Variants in SEMA3D observed in about 807,000 individuals in gnomAD.
The protein encoded by SEMA3D is semaphorin-3D.
SEMA3D carries 84 observed loss-of-function variants against 100.1 expected under a neutral mutation model. The observed-to-expected ratio is 0.84, with a 90% confidence interval of 0.70 to 1.01. SEMA3D has a LOEUF of 1.01. Among genes scored for constraint, SEMA3D ranks in the 50% least tolerant of loss-of-function variants. The probability of loss-of-function intolerance (pLI) is 0.00; values close to 1 mark genes in which losing one functional copy is unlikely to be tolerated. For synonymous variants in SEMA3D, 312 were observed against 320.7 expected, an observed-to-expected ratio of 0.97 and a Z score of 0.29; for missense variants, 875 against 934.1, an observed-to-expected ratio of 0.94 and a Z score of 0.82.
At chr7:85,060,442 A>C (rs1420266030) in intron 8 of SEMA3D, among the ~76,000 whole-genome samples, 2 of 152,174 alleles carry the variant, frequency 1.3e-5, no homozygotes, top group East Asian at 3.8e-4. Flanking sequence ...GGTATCATTT[A>C]ATCAGTGCAT....
intron 3 of SEMA3D, among the ~76,000 whole-genome samples, chr7:85,105,455 C>T (rs922206705): frequency 6.6e-6 from 1 of 152,056 alleles, no homozygotes; most frequent in African/African-American, 2.4e-5. Flanking sequence ...ATCAAGATAA[C>T]TCATAATTCC....
intron 4 of SEMA3D, among the ~76,000 whole-genome samples, chr7:85,087,782 C>G (rs2116265795): frequency 6.6e-6 from 1 of 152,004 alleles, no homozygotes; most frequent in East Asian, 1.9e-4. Flanking sequence ...TTGATTATTT[C>G]CAAAGGATTA....
intron 9 of SEMA3D, among the ~76,000 whole-genome samples, chr7:85,043,560 A>G (rs1175004030): frequency 3.3e-5 from 5 of 152,086 alleles, no homozygotes; most frequent in Non-Finnish European, 7.4e-5. Context: ...TCATTTTTAA[A>G]TTAATATATA....
chr7:85,064,073 C>T (rs561732104), intron 8 of SEMA3D, among the ~76,000 whole-genome samples: 115 of 152,266 alleles, frequency 7.6e-4, no homozygotes, highest in African/African-American at 2.7e-3. Context: ...ATGCATATTT[C>T]CTACATTTAT....
chr7:85,142,193 A>G (rs2116464310), intron 2 of SEMA3D: 3 of 984,214 alleles, frequency 3.0e-6, no homozygotes, highest in Non-Finnish European at 3.6e-6. Flanking sequence ...CAATTTCTAA[A>G]TTACTCAATT....
At chr7:85,224,236 A>G in the SEMA3D span, among the ~76,000 whole-genome samples, 1 of 152,164 alleles carries the variant, frequency 6.6e-6, no homozygotes, top group Non-Finnish European at 1.5e-5. Flanking sequence ...AAACTTAGAG[A>G]TTATTTTACC....
chr7:85,006,053 A>G (rs909499159), intron 18 of SEMA3D, among the ~76,000 whole-genome samples: 1 of 152,000 alleles, frequency 6.6e-6, no homozygotes, highest in Non-Finnish European at 1.5e-5. Flanking sequence ...TTCCAAACAC[A>G]TGATTAGTAC....
chr7:85,026,720 T>A (rs1311066348), intron 12 of SEMA3D, among the ~76,000 whole-genome samples: 7 of 151,998 alleles, frequency 4.6e-5, no homozygotes, highest in African/African-American at 1.7e-4. Flanking sequence ...GGGATCAGCA[T>A]AGTTTACAAT....
At chr7:85,058,003 C>T (rs986031382) in intron 8 of SEMA3D, among the ~76,000 whole-genome samples, 1 of 152,144 alleles carries the variant, frequency 6.6e-6, no homozygotes, top group African/African-American at 2.4e-5. Flanking sequence ...ATCGTCTCAG[C>T]CTCTCTGGGT....
intron 14 of SEMA3D, among the ~76,000 whole-genome samples, chr7:85,018,904 C>G (rs979108622): frequency 1.3e-5 from 2 of 151,610 alleles, no homozygotes; most frequent in African/African-American, 4.8e-5. Context: ...GACAAGATGG[C>G]TTAAAAAATT....
At chr7:85,158,521 A>G (rs571468328) in intron 1 of SEMA3D, among the ~76,000 whole-genome samples, 347 of 152,286 alleles carry the variant, frequency 2.3e-3, no homozygotes, top group Admixed American at 3.5e-3. Context: ...GATGTTATCA[A>G]TGACAATGCC....
At chr7:85,216,655 G>A in the SEMA3D span, among the ~76,000 whole-genome samples, 6 of 151,584 alleles carry the variant, frequency 4.0e-5, no homozygotes, top group African/African-American at 1.2e-4. Context: ...CATTGCTTTT[G>A]TGTTATCAGT....
Position 85,058,747 on chromosome 7 carries a change from C to CAAAAAAAAAAAAA in SEMA3D, c.719-2901_719-2889dup, listed in dbSNP as rs67267318. Among the ~76,000 whole-genome samples the CAAAAAAAAAAAAA allele has an allele frequency of 4.7e-5, 3 of 64,272 alleles. 1 individual carries two copies. The highest frequency in any genetic ancestry group is 6.2e-5 in the Non-Finnish European group (2 of 32,214). The allele number at this position is 64,272 out of a possible 152,430, so 42.2% of individuals were successfully genotyped here. A position where few individuals can be genotyped will look rare whatever the true frequency, so the allele number is the denominator to read the frequency against. ...TGGGCGACAGAGCGAGACTCCACTA[C>CAAAAAAAAAAAAA]AAAAAAAAAAAAAAAAAAAAGCAAC... On this transcript the variant is annotated intron_variant, in intron 8 of 18. Transcript: ENST00000284136.
At chr7:85,171,735 C>G (rs547104337) in intron 1 of SEMA3D, among the ~76,000 whole-genome samples, 3 of 151,820 alleles carry the variant, frequency 2.0e-5, no homozygotes, top group African/African-American at 7.2e-5. Context: ...ATCAAGCCAG[C>G]AAATTTATAA....
the SEMA3D span, among the ~76,000 whole-genome samples, chr7:85,236,367 G>T: frequency 6.6e-6 from 1 of 151,096 alleles, no homozygotes; most frequent in African/African-American, 2.4e-5. Context: ...GAGTGCAGTG[G>T]CATGATCTCG....
chr7:85,155,201 A>C (rs182056791), intron 1 of SEMA3D, among the ~76,000 whole-genome samples: 179 of 152,278 alleles, frequency 1.2e-3, no homozygotes, highest in African/African-American at 3.8e-3. Context: ...CTGACTTAAA[A>C]AAAGTTTTTC....
intron 2 of SEMA3D, among the ~76,000 whole-genome samples, chr7:85,147,484 T>C (rs1790250424): frequency 6.6e-6 from 1 of 152,144 alleles, no homozygotes; most frequent in Admixed American, 6.6e-5. Context: ...TGTTTCTAAC[T>C]ATCTGTAAAT....
intron 17 of SEMA3D, among the ~76,000 whole-genome samples, chr7:85,009,258 A>G (rs2115764110): frequency 6.6e-6 from 1 of 151,868 alleles, no homozygotes; most frequent in East Asian, 1.9e-4. Flanking sequence ...GCTTGTCATT[A>G]AAGTGCAAGA....
intron 4 of SEMA3D, among the ~76,000 whole-genome samples, chr7:85,082,373 C>T (rs969336166): frequency 6.6e-6 from 1 of 152,088 alleles, no homozygotes; most frequent in African/African-American, 2.4e-5. Context: ...CTTTTAAATT[C>T]TGTCAGGAAG....
Sources: allele counts gnomAD v4.1 joint callset (sites outside exome capture counted in the v4.1 genomes callset), GRCh38; gene constraint gnomAD v4.1.1; transcripts MANE v1.5; gene names NCBI Gene and HGNC (gene_info 2026-07-23, HGNC 2026-07-21).